The following HOXC6 variants were observed in gnomAD, a reference collection of about 807,000 sequenced individuals.
The protein encoded by HOXC6 is homeobox C6, also known as homeobox protein Hox-C6.
A neutral mutation model predicts 24.0 loss-of-function variants in HOXC6; 10 were observed. That is an observed-to-expected ratio of 0.42 (90% CI 0.26 to 0.71). The LOEUF (loss-of-function observed/expected upper bound fraction) is 0.71. HOXC6 is among the 30% of genes least tolerant of loss of function. The pLI is 0.28. For synonymous variants in HOXC6, 123 were observed against 128.1 expected, an observed-to-expected ratio of 0.96 and a Z score of 0.27; for missense variants, 258 against 303.4, an observed-to-expected ratio of 0.85 and a Z score of 1.11.
intron 1 of HOXC6, among the ~76,000 whole-genome samples, chr12:54,019,545 C>T (rs961250542): frequency 6.6e-6 from 1 of 152,200 alleles, no homozygotes; most frequent in African/African-American, 2.4e-5. Flanking sequence ...TGTCCGCCCC[C>T]GCCCCTGTGG....
upstream of HOXC6, among the ~76,000 whole-genome samples, chr12:54,025,566 G>T (rs756483096): frequency 1.3e-5 from 2 of 150,766 alleles, no homozygotes; most frequent in African/African-American, 2.4e-5. Context: ...TTTGCCAAAG[G>T]TCTTTAAGCA....
intron 1 of HOXC6, chr12:54,021,380 G>A (rs1432006556): frequency 6.6e-6 from 1 of 152,334 alleles, no homozygotes; most frequent in Non-Finnish European, 1.5e-5. Context: ...CACGGGAGAG[G>A]ACGCTGGACC....
chr12:54,026,234 T>C (rs192080616), upstream of HOXC6, among the ~76,000 whole-genome samples: 20 of 152,144 alleles, frequency 1.3e-4, no homozygotes, highest in East Asian at 3.7e-3. Context: ...TGTCCAGGGG[T>C]GCACTGACTT....
intron 1 of HOXC6, chr12:54,021,468 C>T (rs1308202812): frequency 6.6e-6 from 1 of 152,218 alleles, no homozygotes; most frequent in Admixed American, 6.5e-5. Flanking sequence ...AGCCTTTTTC[C>T]CTTCCAGAGA....
chr12:54,021,998 T>G (rs1940470069), intron 1 of HOXC6: 1 of 152,266 alleles, frequency 6.6e-6, no homozygotes, highest in Non-Finnish European at 1.5e-5. Flanking sequence ...ACAGGGCAGC[T>G]GTTTATAGGG....
chr12:54,026,814 GTTT>G (rs1940722482), upstream of HOXC6, among the ~76,000 whole-genome samples: 1 of 152,092 alleles, frequency 6.6e-6, no homozygotes, highest in Admixed American at 6.5e-5. Context: ...GAATAAACGA[GTTT>G]TTTCTCAGCA....
At position 54,028,590 on chromosome 12, in the gene HOXC6, C is replaced by T. The variant is rs201443964; in HGVS notation, c.69C>T (p.Asn23=). 2.8e-5 allele frequency: 45 copies of T among 1,614,142 alleles called. No homozygotes were observed. The East Asian group carries it at 9.6e-4, about 34-fold the overall frequency. Residue 23 remains asparagine, a synonymous_variant, in exon 1 of 2, where the codon AAC becomes AAT. Coordinates refer to ENST00000243108, the MANE Select transcript of HOXC6 (RefSeq NM_004503.4). ...CCGGGGGCCAGGACGTCCTCCCCAA[C>T]GTCGCCCTCAATTCCACCGCCTATG... ...HLAGGQDVLP[N]VALNSTAYDP...
At chr12:54,024,419 G>A (rs894735), upstream of HOXC6, among the ~76,000 whole-genome samples, 459 of 152,312 alleles carry the variant, frequency 3.0e-3, 3 homozygotes, top group African/African-American at 0.01. Context: ...GTATCTGTGT[G>A]CGAGGGTTGG....
At chr12:54,025,534 GGGGGA>G (rs201801956), upstream of HOXC6, among the ~76,000 whole-genome samples, 421 of 51,116 alleles carry the variant, frequency 8.2e-3, 7 homozygotes, top group East Asian at 0.068. Context: ...AATTGGGGGG[GGGGGA>G]GGTGTTGAAA....
chr12:54,027,106 T>C (rs1361065098), upstream of HOXC6, among the ~76,000 whole-genome samples: 1 of 152,240 alleles, frequency 6.6e-6, no homozygotes, highest in African/African-American at 2.4e-5. Context: ...CTGCACACTT[T>C]CCGCTGTTTC....
chr12:54,023,591 A>T (rs1940545145), upstream of HOXC6, among the ~76,000 whole-genome samples: 1 of 152,166 alleles, frequency 6.6e-6, no homozygotes, highest in South Asian at 2.1e-4. Flanking sequence ...GCAGCTTAAC[A>T]TGCCCAATCT....
chr12:54,018,123 G>C (rs1313914741), intron 1 of HOXC6, among the ~76,000 whole-genome samples: 1 of 152,154 alleles, frequency 6.6e-6, no homozygotes, highest in Non-Finnish European at 1.5e-5. Context: ...TGGAAGGGTG[G>C]GAGGTGCCCT....
intron 1 of HOXC6, among the ~76,000 whole-genome samples, chr12:54,018,071 G>C (rs943711607): frequency 1.3e-5 from 2 of 152,160 alleles, no homozygotes; most frequent in African/African-American, 4.8e-5. Context: ...GCCGAGAGGA[G>C]AGCGTCTGCC....
At chr12:54,019,426 G>T (rs941565128) in intron 1 of HOXC6, among the ~76,000 whole-genome samples, 1 of 152,162 alleles carries the variant, frequency 6.6e-6, no homozygotes, top group African/African-American at 2.4e-5. Flanking sequence ...AGGGAGTGCG[G>T]TGGGACACAA....
upstream of HOXC6, among the ~76,000 whole-genome samples, chr12:54,027,363 AG>A (rs1337385928): frequency 6.6e-6 from 1 of 152,144 alleles, no homozygotes; most frequent in African/African-American, 2.4e-5. Flanking sequence ...TGGAGGGGGC[AG>A]GGGGGCTTCT....
At position 54,030,782 on chromosome 12, in the gene HOXC6, T is replaced by C. The variant is rs1240657605; in HGVS notation, c.*820T>C. The C allele has an allele frequency of 6.6e-6, 1 of 152,426 alleles. No homozygotes were observed. The highest frequency in any genetic ancestry group is 1.5e-5 in the Non-Finnish European group (1 of 68,042). The allele number at this position is 152,426 out of a possible 1,614,324, so 9.4% of individuals were successfully genotyped here. A position where few individuals can be genotyped will look rare whatever the true frequency, so the allele number is the denominator to read the frequency against. ...GTATAAATCCAACCTCTGGGTCCGT[T>C]CTCGAATATTTAATAAAACTGATAT... On this transcript the variant is annotated 3_prime_UTR_variant, in exon 2 of 2. Coordinates refer to ENST00000243108, the MANE Select transcript of HOXC6 (RefSeq NM_004503.4).
upstream of HOXC6, among the ~76,000 whole-genome samples, chr12:54,027,781 G>T (rs1466068158): frequency 6.6e-6 from 1 of 152,162 alleles, no homozygotes; most frequent in Non-Finnish European, 1.5e-5. Flanking sequence ...CTCTGCCACT[G>T]TACCCTGAAG....
upstream of HOXC6, among the ~76,000 whole-genome samples, chr12:54,025,374 GA>G (rs1940644573): frequency 6.6e-6 from 1 of 152,100 alleles, no homozygotes; most frequent in South Asian, 2.1e-4. Context: ...CATGAAATGG[GA>G]AAAAGAAAAT....
upstream of HOXC6, among the ~76,000 whole-genome samples, chr12:54,026,440 A>C (rs1324345140): frequency 1.3e-5 from 2 of 152,250 alleles, no homozygotes; most frequent in Non-Finnish European, 2.9e-5. Context: ...AAGTCACCCC[A>C]AAAATGAGAT....
Sources: gnomAD v4.1 joint callset for allele counts (sites outside exome capture counted in the v4.1 genomes callset) on GRCh38, gnomAD v4.1.1 for gene constraint, MANE v1.5 for transcripts, NCBI Gene and HGNC (gene_info 2026-07-23, HGNC 2026-07-21) for gene names.